The following ZNF175 variants were observed in gnomAD, a reference collection of about 807,000 sequenced individuals.
ZNF175 encodes the protein zinc finger protein OTK18.
A neutral mutation model predicts 14.0 loss-of-function variants in ZNF175; 8 were observed. That is an observed-to-expected ratio of 0.57 (90% CI 0.34 to 1.03). The LOEUF (loss-of-function observed/expected upper bound fraction) is 1.03. ZNF175 is among the 50% of genes least tolerant of loss of function. ZNF175 has a pLI of 0.03. For missense variants in ZNF175, 764 were observed against 849.5 expected, an observed-to-expected ratio of 0.90 and a Z score of 1.25; for synonymous variants, 255 against 296.8, an observed-to-expected ratio of 0.86 and a Z score of 1.45.
At chr19:51,583,017 G>A (rs993395978) in intron 4 of ZNF175, among the ~76,000 whole-genome samples, 1 of 152,090 alleles carries the variant, frequency 6.6e-6, no homozygotes, top group Non-Finnish European at 1.5e-5. Flanking sequence ...CACCATGCCC[G>A]GCTAATTTTG....
intron 4 of ZNF175, among the ~76,000 whole-genome samples, chr19:51,585,595 C>T (rs887918452): frequency 1.3e-5 from 2 of 151,696 alleles, no homozygotes; most frequent in African/African-American, 2.4e-5. Context: ...TGACTGAAAG[C>T]GAAAAGAAAC....
At chr19:51,575,248 G>A (rs371524352) in intron 2 of ZNF175, among the ~76,000 whole-genome samples, 4 of 122,228 alleles carry the variant, frequency 3.3e-5, no homozygotes, top group Admixed American at 2.2e-4. Flanking sequence ...ACGGAGTCTC[G>A]CTCTGAAGCG....
intron 4 of ZNF175, among the ~76,000 whole-genome samples, chr19:51,582,728 T>G (rs947101706): frequency 1.3e-5 from 2 of 152,208 alleles, no homozygotes; most frequent in African/African-American, 4.8e-5. Context: ...TCCATGGAGT[T>G]TTCTGCCTTT....
intron 1 of ZNF175, among the ~76,000 whole-genome samples, chr19:51,571,820 T>C (rs61460685): frequency 6.6e-6 from 1 of 152,142 alleles, no homozygotes; most frequent in African/African-American, 2.4e-5. Context: ...CTTCAGAGGT[T>C]GGAGGACTTT....
At chr19:51,583,493 A>G (rs1982077494) in intron 4 of ZNF175, among the ~76,000 whole-genome samples, 1 of 152,152 alleles carries the variant, frequency 6.6e-6, no homozygotes, top group South Asian at 2.1e-4. Flanking sequence ...TTTAATTAAG[A>G]AAAAAGTGAC....
At chr19:51,577,112 A>G (rs1981817995) in intron 2 of ZNF175, among the ~76,000 whole-genome samples, 1 of 152,212 alleles carries the variant, frequency 6.6e-6, no homozygotes, top group Admixed American at 6.5e-5. Context: ...GTGAAATGAT[A>G]TGAAAATGAA....
In ZNF175 at chr19:51,589,255, T is replaced by C; in HGVS notation, c.*788T>C. 5.0e-6 allele frequency: 2 copies of C among 400,332 alleles called. No individual in the cohort carries two copies. Among genetic ancestry groups the C allele is most frequent in the Non-Finnish European group, 8.7e-6 (2 of 229,886 alleles). The allele number at this position is 400,332 out of a possible 1,614,324, so 24.8% of individuals were successfully genotyped here. A position where few individuals can be genotyped will look rare whatever the true frequency, so the allele number is the denominator to read the frequency against. On this transcript the variant is annotated 3_prime_UTR_variant, in exon 5 of 5. Coordinates refer to ENST00000262259, the MANE Select transcript of ZNF175 (RefSeq NM_007147.4). ...ACATATGTATATGGTCTGGTCAGCA[T>C]ATGTGTATGTATGCGTATGTATGTA... is the stretch of plus-strand genomic sequence containing the variant.
rs1568571155 is a variant in ZNF175 at position 51,571,320 on chromosome 19, AT to A, written c.-335del. 6.7e-6 allele frequency: 1 copy of A among 150,194 alleles called. No homozygotes were observed. The highest frequency in any genetic ancestry group is 1.5e-5 in the Non-Finnish European group (1 of 67,818). The allele number at this position is 150,194 out of a possible 1,614,324, so 9.3% of individuals were successfully genotyped here. ...TCTGTTGTTAAGTGGATCTAAGCCTATGTCGCTTACTGGACGCTGAAGTGAT... is the reference window on the plus strand; with the variant it reads ...TCTGTTGTTAAGTGGATCTAAGCCTAGTCGCTTACTGGACGCTGAAGTGAT... On this transcript the variant is annotated 5_prime_UTR_variant, in exon 1 of 5. An upstream start codon of the reference 5' UTR is lost. Transcript: ENST00000262259.
At chr19:51,575,131 ACTTGT>A (rs912540807) in intron 2 of ZNF175, among the ~76,000 whole-genome samples, 69 of 145,088 alleles carry the variant, frequency 4.8e-4, no homozygotes, top group African/African-American at 1.7e-3. Flanking sequence ...TTGGTCAATT[ACTTGT>A]CTTTAGTGAG....
At position 51,587,852 on chromosome 19, in the gene ZNF175, C is replaced by T; in HGVS notation, c.1521C>T (p.Asp507=). 1 of 1,613,976 alleles carries T rather than the reference C, an allele frequency of 6.2e-7. No homozygotes were observed. The highest frequency in any genetic ancestry group is 2.2e-5 in the East Asian group (1 of 44,872). The change falls in exon 5 of 5, where the codon GAC becomes GAT. Residue 507 remains aspartate (D), a synonymous_variant. Coordinates refer to ENST00000262259, the MANE Select transcript of ZNF175 (RefSeq NM_007147.4). The stretch of plus-strand genomic sequence containing the variant: ...GGGAGAAACCTTATGAATGCAGTGA[C>T]TGTGGAAAAACCTTCACCCAAAAGT... ...HTGEKPYECS[D]CGKTFTQKSH...
intron 4 of ZNF175, among the ~76,000 whole-genome samples, chr19:51,583,357 A>G (rs1676030445): frequency 6.6e-6 from 1 of 152,162 alleles, no homozygotes; most frequent in Non-Finnish European, 1.5e-5. Context: ...CAGAAATTGG[A>G]ATCATCATCA....
Position 51,589,775 on chromosome 19 carries a change from AG to A in ZNF175, c.*1309del. On this transcript the variant is annotated 3_prime_UTR_variant, in exon 5 of 5. Transcript: ENST00000262259. ...TGGGCTTCTTTTGTGCTGCACTGGCAGAATTGAGTAGTTTTGGCGGAGATCA... is the reference window on the plus strand; with the variant it reads ...TGGGCTTCTTTTGTGCTGCACTGGCAAATTGAGTAGTTTTGGCGGAGATCA... 1.7e-6 allele frequency: 1 copy of A among 573,930 alleles called. No homozygotes were observed. The highest frequency in any genetic ancestry group is 2.3e-5 in the South Asian group (1 of 43,082). 35.6% of individuals were successfully genotyped at this position (573,930 alleles called of 1,614,324 possible).
intron 2 of ZNF175, among the ~76,000 whole-genome samples, chr19:51,577,493 A>G (rs1981828623): frequency 6.6e-6 from 1 of 152,120 alleles, no homozygotes; most frequent in African/African-American, 2.4e-5. Flanking sequence ...GAGCTTTTAG[A>G]TATGAATACT....
chr19:51,577,186 C>T (rs918736722), intron 2 of ZNF175, among the ~76,000 whole-genome samples: 1 of 152,130 alleles, frequency 6.6e-6, no homozygotes, highest in Non-Finnish European at 1.5e-5. Context: ...AGAAAGATGT[C>T]ACGGAAAATG....
rs1458498783 is a variant in ZNF175 at position 51,589,114 on chromosome 19, T to G, written c.*647T>G. ...TTAAATGCTCCAATTAGCATTTCCT[T>G]TGAGCGTCATGTTAGAGTTCAAAAA... On this transcript the variant is annotated 3_prime_UTR_variant, in exon 5 of 5. Coordinates refer to ENST00000262259, the MANE Select transcript of ZNF175 (RefSeq NM_007147.4). 1 of 200,252 alleles carries G rather than the reference T, an allele frequency of 5.0e-6. No homozygotes were observed. The highest frequency in any genetic ancestry group is 2.3e-5 in the African/African-American group (1 of 43,492). 12.4% of individuals were successfully genotyped at this position (200,252 alleles called of 1,614,324 possible).
Position 51,588,646 on chromosome 19 carries a change from G to A in ZNF175, c.*179G>A. ...AAAGTCATGCTTTATTTTAGTGAGG[G>A]CAATTACAGAGAAAAGAGTAAGCAG... On this transcript the variant is annotated 3_prime_UTR_variant, in exon 5 of 5. Coordinates refer to ENST00000262259, the MANE Select transcript of ZNF175 (RefSeq NM_007147.4). 4.8e-6 allele frequency: 3 copies of A among 625,592 alleles called. No individual in the cohort carries two copies. The highest frequency in any genetic ancestry group is 7.6e-6 in the Non-Finnish European group (3 of 396,412). The allele number at this position is 625,592 out of a possible 1,614,324, so 38.8% of individuals were successfully genotyped here.
chr19:51,584,835 A>G (rs1162403465), intron 4 of ZNF175, among the ~76,000 whole-genome samples: 1 of 152,158 alleles, frequency 6.6e-6, no homozygotes, highest in Non-Finnish European at 1.5e-5. Flanking sequence ...CAGAATAACA[A>G]GTGTTGGCAA....
In ZNF175 at chr19:51,588,625, T is replaced by G. The variant is rs1982258569; in HGVS notation, c.*158T>G. The G allele has an allele frequency of 1.3e-6, 1 of 778,112 alleles. No individual in the cohort carries two copies. The highest frequency in any genetic ancestry group is 3.0e-5 in the East Asian group (1 of 33,184). The allele number at this position is 778,112 out of a possible 1,614,324, so 48.2% of individuals were successfully genotyped here. ...CATGTGTGAACACATGATAAAAAAG[T>G]CATGCTTTATTTTAGTGAGGGCAAT... On this transcript the variant is annotated 3_prime_UTR_variant, in exon 5 of 5. Coordinates refer to ENST00000262259, the MANE Select transcript of ZNF175 (RefSeq NM_007147.4).
intron 4 of ZNF175, among the ~76,000 whole-genome samples, chr19:51,584,576 G>A (rs1223280849): frequency 1.3e-5 from 2 of 152,144 alleles, no homozygotes; most frequent in Non-Finnish European, 1.5e-5. Context: ...GGGACACAGT[G>A]GAAGATTGCC....
Sources: gnomAD v4.1 joint callset for allele counts (sites outside exome capture counted in the v4.1 genomes callset) on GRCh38, gnomAD v4.1.1 for gene constraint, MANE v1.5 for transcripts, NCBI Gene and HGNC (gene_info 2026-07-23, HGNC 2026-07-21) for gene names.